NCK2: variants seen among roughly 807,000 people sequenced by gnomAD.
The protein encoded by NCK2 is cytoplasmic protein NCK2.
NCK2 carries 16 observed loss-of-function variants against 33.9 expected under a neutral mutation model. That is an observed-to-expected ratio of 0.47 (90% CI 0.32 to 0.72). The LOEUF (loss-of-function observed/expected upper bound fraction) is 0.72. Ranked by LOEUF, NCK2 falls within the 30% of genes least tolerant of loss-of-function variation. NCK2 has a pLI of 0.03. For missense variants in NCK2, 418 were observed against 537.3 expected (o/e 0.78, Z 2.19); for synonymous variants, 273 against 239.9 (o/e 1.14, Z -1.27).
chr2:105,805,125 A>G (rs1674981906), intron 1 of NCK2, among the ~76,000 whole-genome samples: 1 of 152,224 alleles, frequency 6.6e-6, no homozygotes, highest in South Asian at 2.1e-4. Context: ...GACAGTTGAT[A>G]TTATAAAATA....
intron 2 of NCK2, among the ~76,000 whole-genome samples, chr2:105,825,476 A>C (rs750014790): frequency 1.6e-4 from 24 of 152,372 alleles, no homozygotes; most frequent in Non-Finnish European, 2.6e-4. Context: ...AGGAAGCAGC[A>C]CTGGGCACTG....
chr2:105,863,251 A>G (rs761551231), intron 3 of NCK2, among the ~76,000 whole-genome samples: 91 of 152,144 alleles, frequency 6.0e-4, no homozygotes, highest in Non-Finnish European at 1.2e-3. Context: ...CATCGTGATT[A>G]TAAATATTCT....
intron 3 of NCK2, among the ~76,000 whole-genome samples, chr2:105,879,872 A>T (rs1225360258): frequency 6.6e-6 from 1 of 152,236 alleles, no homozygotes; most frequent in African/African-American, 2.4e-5. Context: ...CTACCCATGG[A>T]AGTGCTTGGA....
At chr2:105,754,650 A>G (rs1054889378) in intron 1 of NCK2, among the ~76,000 whole-genome samples, 2 of 149,568 alleles carry the variant, frequency 1.3e-5, no homozygotes, top group African/African-American at 4.9e-5. Flanking sequence ...GAGCTGCTGC[A>G]TTGGTAAGAA....
rs140836660 is a variant in NCK2 at position 105,880,143 on chromosome 2, T to C, written c.227-1185T>C. ...ATTTTTCCTCATGCACAGGAAGAAA[T>C]GTTTCTCAATCTGATTCGATACTCG... On this transcript the variant is annotated intron_variant, in intron 3 of 4. Coordinates refer to ENST00000233154, the MANE Select transcript of NCK2 (RefSeq NM_003581.5). Among the ~76,000 whole-genome samples, 48 of 152,342 alleles carry C rather than the reference T, an allele frequency of 3.2e-4. 1 individual carries two copies. The East Asian group carries it at 9.1e-3, about 29-fold the overall frequency.
intron 1 of NCK2, among the ~76,000 whole-genome samples, chr2:105,770,260 T>C (rs2104378366): frequency 6.6e-6 from 1 of 152,326 alleles, no homozygotes; most frequent in South Asian, 2.1e-4. Context: ...CAGAATTCTT[T>C]TCTACAGAAT....
chr2:105,818,283 T>TAGGGGGA lies in NCK2; in HGVS notation c.-17+1670_-17+1671insAGGGGGA, dbSNP rs1675575991. ...CCACACACTGGGGCCTGTTTTGGGG[T>TAGGGGGA]GGGGGGAGGGGGGAGGGATAGCATT... is the stretch of plus-strand genomic sequence containing the variant. On this transcript the variant is annotated intron_variant, in intron 2 of 4. Transcript: ENST00000233154. Among the ~76,000 whole-genome samples the TAGGGGGA allele has an allele frequency of 3.2e-5, 2 of 63,344 alleles. 1 individual carries two copies. Among genetic ancestry groups the TAGGGGGA allele is most frequent in the Non-Finnish European group, 5.6e-5 (2 of 35,530 alleles). The allele number at this position is 63,344 out of a possible 152,430, so 41.6% of individuals were successfully genotyped here. A position where few individuals can be genotyped will look rare whatever the true frequency, so the allele number is the denominator to read the frequency against.
intron 3 of NCK2, among the ~76,000 whole-genome samples, chr2:105,871,267 G>T (rs1055237461): frequency 6.6e-6 from 1 of 151,900 alleles, no homozygotes; most frequent in Admixed American, 6.6e-5. Flanking sequence ...ACCAGTGAGC[G>T]CTCCCACAGC....
intron 3 of NCK2, among the ~76,000 whole-genome samples, chr2:105,861,668 CCA>C (rs1304418581): frequency 6.6e-6 from 1 of 152,036 alleles, no homozygotes; most frequent in Non-Finnish European, 1.5e-5. Flanking sequence ...GTGTGTATCA[CCA>C]CACCCAGCTA....
At chr2:105,838,599 C>A (rs1573184385) in intron 2 of NCK2, among the ~76,000 whole-genome samples, 1 of 152,114 alleles carries the variant, frequency 6.6e-6, no homozygotes, top group East Asian at 1.9e-4. Flanking sequence ...TGTAGAATAA[C>A]AATGAATATA....
At chr2:105,847,629 G>A (rs891941796) in intron 2 of NCK2, among the ~76,000 whole-genome samples, 1 of 152,002 alleles carries the variant, frequency 6.6e-6, no homozygotes, top group Non-Finnish European at 1.5e-5. Flanking sequence ...GGGCCTGGTG[G>A]GACACGCAGG....
intron 1 of NCK2, among the ~76,000 whole-genome samples, chr2:105,787,723 T>C (rs964598497): frequency 2.6e-5 from 4 of 152,228 alleles, no homozygotes; most frequent in African/African-American, 7.2e-5. Context: ...ACCTTCCCCA[T>C]AGGAGCATCT....
chr2:105,852,242 C>T (rs1412140605), intron 2 of NCK2, among the ~76,000 whole-genome samples: 1 of 152,148 alleles, frequency 6.6e-6, no homozygotes, highest in Non-Finnish European at 1.5e-5. Context: ...AGATTAAACG[C>T]CTTGGCATGT....
Position 105,841,991 on chromosome 2 carries a change from C to T in NCK2, c.-16-13057C>T, listed in dbSNP as rs551798880. On this transcript the variant is annotated intron_variant, in intron 2 of 4. Transcript: ENST00000233154. ...CAGAGATCAGAAATGTAAAATGGCA[C>T]TAGCTGCCCTGGGGCAGGTGTGAAG... 1.2e-3 allele frequency among the ~76,000 whole-genome samples: 179 copies of T among 152,262 alleles called. 1 individual carries two copies. Among genetic ancestry groups the T allele is most frequent in the African/African-American group, 4.2e-3 (173 of 41,562 alleles).
At chr2:105,854,966 G>A in intron 2 of NCK2, 82 bp from the exon 3 acceptor site, 2 of 1,006,684 alleles carry the variant, frequency 2.0e-6, no homozygotes, top group South Asian at 1.5e-5. Context: ...AAAGCTGTCA[G>A]TGCCTAATTT....
intron 1 of NCK2, among the ~76,000 whole-genome samples, chr2:105,791,861 A>G (rs1690894587): frequency 6.6e-6 from 1 of 152,242 alleles, no homozygotes; most frequent in Non-Finnish European, 1.5e-5. Flanking sequence ...TAACTTACCA[A>G]GATTTTATCG....
chr2:105,800,607 A>G (rs72825151), intron 1 of NCK2, among the ~76,000 whole-genome samples: 6 of 152,306 alleles, frequency 3.9e-5, no homozygotes, highest in Non-Finnish European at 8.8e-5. Context: ...TCAAAGTTCT[A>G]CTAAGGCCTA....
intron 1 of NCK2, among the ~76,000 whole-genome samples, chr2:105,812,663 A>G (rs1325847329): frequency 6.6e-6 from 1 of 152,168 alleles, no homozygotes; most frequent in Non-Finnish European, 1.5e-5. Context: ...CTTTTTAAAT[A>G]AAAGGAAAAG....
intron 3 of NCK2, among the ~76,000 whole-genome samples, chr2:105,866,590 G>A (rs987241993): frequency 6.6e-6 from 1 of 152,190 alleles, no homozygotes; most frequent in Non-Finnish European, 1.5e-5. Flanking sequence ...CCTCACAGGC[G>A]TAGTTCACAA....
Sources: gnomAD v4.1 joint callset for allele counts (sites outside exome capture counted in the v4.1 genomes callset) on GRCh38, gnomAD v4.1.1 for gene constraint, MANE v1.5 for transcripts, NCBI Gene and HGNC (gene_info 2026-07-23, HGNC 2026-07-21) for gene names.